ZFHX3: variants seen among roughly 807,000 people sequenced by gnomAD.
ZFHX3 encodes the protein zinc finger homeobox 3.
In ZFHX3, 42 loss-of-function variants were observed where a neutral mutation model predicts 279.1. The observed-to-expected ratio is 0.15, with a 90% CI of 0.12 to 0.19. The LOEUF is 0.19. ZFHX3 is among the 10% of genes least tolerant of loss of function. The pLI is 1.00. For synonymous variants in ZFHX3, 2,293 were observed against 1,957.8 expected (o/e 1.17, Z -4.52); for missense variants, 4,981 against 4,754.0 (o/e 1.05, Z -1.40).
intron 3 of ZFHX3, among the ~76,000 whole-genome samples, chr16:72,927,404 C>A (rs1170536577): frequency 6.6e-6 from 1 of 152,172 alleles, no homozygotes; most frequent in Admixed American, 6.5e-5. Context: ...CTGAGGGCAA[C>A]ACCTGCTCCA....
chr16:73,253,929 C>T (rs536448985), intron 5 of ZFHX3, among the ~76,000 whole-genome samples: 4 of 152,222 alleles, frequency 2.6e-5, no homozygotes, highest in African/African-American at 7.2e-5. Context: ...AAAAAATTGC[C>T]TGCTAATACT....
chr16:73,446,924 T>C (rs1213181147), intron 3 of ZFHX3, among the ~76,000 whole-genome samples: 2 of 152,096 alleles, frequency 1.3e-5, no homozygotes, highest in East Asian at 3.9e-4. Context: ...CTCACACCTG[T>C]AATCCCAGCA....
chr16:73,467,010 G>T (rs1219138646), intron 2 of ZFHX3, among the ~76,000 whole-genome samples: 7 of 152,184 alleles, frequency 4.6e-5, no homozygotes, highest in African/African-American at 1.7e-4. Flanking sequence ...TGTCTGGCCA[G>T]CTGCCCTAAG....
intron 3 of ZFHX3, among the ~76,000 whole-genome samples, chr16:72,905,780 A>C (rs1380879045): frequency 6.6e-6 from 1 of 152,248 alleles, no homozygotes; most frequent in Admixed American, 6.5e-5. Flanking sequence ...TTCCTAGAAC[A>C]TAAGACAGCT....
In ZFHX3 at chr16:72,960,173, C is replaced by T. The variant is rs1961505302; in HGVS notation, c.-28G>A. On this transcript the variant is annotated 5_prime_UTR_variant, in exon 2 of 10. Coordinates refer to ENST00000268489, the MANE Select transcript of ZFHX3 (RefSeq NM_006885.4). ...TAAGGCCTGCGTGGAGCTTTCATTG[C>T]ACCCAGTACGGAGGCTCGGACCTGA... is the stretch of plus-strand genomic sequence containing the variant. 1 of 1,531,212 alleles carries T rather than the reference C, an allele frequency of 6.5e-7. No homozygotes were observed. The allele number at this position is 1,531,212 out of a possible 1,614,324, so 94.9% of individuals were successfully genotyped here.
chr16:72,980,968 A>G (rs1055443852), intron 1 of ZFHX3, among the ~76,000 whole-genome samples: 50 of 152,208 alleles, frequency 3.3e-4, no homozygotes, highest in African/African-American at 1.1e-3. Context: ...TTTTTCCTTA[A>G]AAGTTACCAT....
chr16:73,397,855 T>C (rs1362804006), intron 3 of ZFHX3, among the ~76,000 whole-genome samples: 1 of 152,064 alleles, frequency 6.6e-6, no homozygotes, highest in Non-Finnish European at 1.5e-5. Context: ...TCGCTTTTGT[T>C]TCTTTTGGAG....
intron 1 of ZFHX3, among the ~76,000 whole-genome samples, chr16:73,823,477 G>A (rs889147625): frequency 3.3e-5 from 5 of 152,192 alleles, no homozygotes; most frequent in African/African-American, 1.2e-4. Context: ...AGGAACAGTG[G>A]CTGGAACCCC....
intron 3 of ZFHX3, among the ~76,000 whole-genome samples, chr16:73,428,378 A>G (rs1410178608): frequency 6.6e-6 from 1 of 152,144 alleles, no homozygotes; most frequent in Non-Finnish European, 1.5e-5. Context: ...GGCAGCCTGC[A>G]TCGGTCCATG....
intron 3 of ZFHX3, among the ~76,000 whole-genome samples, chr16:73,404,840 G>T (rs1342360533): frequency 6.6e-6 from 1 of 152,124 alleles, no homozygotes; most frequent in East Asian, 1.9e-4. Context: ...TTCCCAGGTG[G>T]AAGGCCCATT....
At chr16:72,986,445 A>G (rs1962846798) in intron 1 of ZFHX3, among the ~76,000 whole-genome samples, 1 of 152,222 alleles carries the variant, frequency 6.6e-6, no homozygotes, top group South Asian at 2.1e-4. Flanking sequence ...CTAACTGAAC[A>G]TGGTCAAATG....
At chr16:73,201,620 G>A (rs1470127880) in intron 5 of ZFHX3, among the ~76,000 whole-genome samples, 2 of 152,222 alleles carry the variant, frequency 1.3e-5, no homozygotes, top group Non-Finnish European at 2.9e-5. Flanking sequence ...GGAAAATGCT[G>A]CAAAAGCATC....
At chr16:72,839,010 A>G (rs1197787611) in intron 4 of ZFHX3, among the ~76,000 whole-genome samples, 2 of 152,204 alleles carry the variant, frequency 1.3e-5, no homozygotes, top group African/African-American at 4.8e-5. Context: ...GCTATGTCCC[A>G]GAACTCTGAA....
At chr16:73,348,419 C>A (rs1315773960) in intron 3 of ZFHX3, among the ~76,000 whole-genome samples, 1 of 152,198 alleles carries the variant, frequency 6.6e-6, no homozygotes, top group African/African-American at 2.4e-5. Context: ...AGCCCCCCAA[C>A]CCCAGCCTCC....
At chr16:72,905,396 C>G (rs530432890) in intron 3 of ZFHX3, among the ~76,000 whole-genome samples, 3 of 152,328 alleles carry the variant, frequency 2.0e-5, no homozygotes, top group Middle Eastern at 6.8e-3. Context: ...CAGAGGACAA[C>G]TGAGTTGGTC....
chr16:72,885,911 C>T (rs1043243858), intron 4 of ZFHX3, among the ~76,000 whole-genome samples: 1 of 152,132 alleles, frequency 6.6e-6, no homozygotes, highest in Non-Finnish European at 1.5e-5. Context: ...GCTCCTGATG[C>T]CACAGGATGA....
intron 2 of ZFHX3, among the ~76,000 whole-genome samples, chr16:73,660,976 A>G (rs2052777097): frequency 1.3e-5 from 2 of 152,202 alleles, no homozygotes; most frequent in Admixed American, 6.5e-5. Context: ...GGTGAATTGC[A>G]TACCCATATC....
chr16:73,881,498 G>A (rs1353378918), intron 1 of ZFHX3, among the ~76,000 whole-genome samples: 5 of 31,330 alleles, frequency 1.6e-4, no homozygotes, highest in Admixed American at 5.2e-4. Flanking sequence ...CCCCCACTCT[G>A]CCCATGGTTA....
chr16:73,433,841 C>G (rs567150164), intron 3 of ZFHX3, among the ~76,000 whole-genome samples: 22 of 152,346 alleles, frequency 1.4e-4, no homozygotes, highest in Admixed American at 3.9e-4. Context: ...TCCCGGCCGC[C>G]TGGGTGACTC....
Sources: gnomAD v4.1 joint callset for allele counts (sites outside exome capture counted in the v4.1 genomes callset) on GRCh38, gnomAD v4.1.1 for gene constraint, MANE v1.5 for transcripts, NCBI Gene and HGNC (gene_info 2026-07-23, HGNC 2026-07-21) for gene names.